The following GNAO1 variants were observed in gnomAD, a reference collection of about 807,000 sequenced individuals.
GNAO1 encodes the protein guanine nucleotide-binding protein G(o) subunit alpha.
For synonymous variants in GNAO1, 164 were observed against 180.7 expected (o/e 0.91, Z 0.74); for missense variants, 166 against 478.7 (o/e 0.35, Z 6.10).
chr16:56,318,780 C>T (rs2037540938), intron 3 of GNAO1, among the ~76,000 whole-genome samples: 1 of 152,202 alleles, frequency 6.6e-6, no homozygotes, highest in African/African-American at 2.4e-5. Context: ...TATTTTGTGT[C>T]AGCTTGTTGT....
chr16:56,232,979 G>A (rs75758756), intron 2 of GNAO1, among the ~76,000 whole-genome samples: 1,684 of 152,268 alleles, frequency 0.011, 10 homozygotes, highest in Non-Finnish European at 0.018. Context: ...AAGACAGGCC[G>A]GAAGGACTTC....
At chr16:56,309,031 C>G (rs1253163543) in intron 3 of GNAO1, among the ~76,000 whole-genome samples, 2 of 152,002 alleles carry the variant, frequency 1.3e-5, no homozygotes, top group Admixed American at 6.6e-5. Flanking sequence ...TGGGAGGAAG[C>G]AGCCCTGGAC....
At chr16:56,344,712 C>G in intron 6 of GNAO1, 4 of 985,502 alleles carry the variant, frequency 4.1e-6, no homozygotes, top group Non-Finnish European at 4.8e-6. Flanking sequence ...TGGGCTGGGG[C>G]CTCCCGCCCA....
At chr16:56,296,741 T>C (rs2037291412) in intron 3 of GNAO1, among the ~76,000 whole-genome samples, 1 of 152,136 alleles carries the variant, frequency 6.6e-6, no homozygotes, top group African/African-American at 2.4e-5. Flanking sequence ...CTAGCCAAAG[T>C]ACTTGCTTTT....
rs1046779670 is a variant in GNAO1 at position 56,298,486 on chromosome 16, G to A, written c.303+22414G>A. Among the ~76,000 whole-genome samples the A allele has an allele frequency of 3.3e-5, 5 of 152,176 alleles. No homozygotes were observed. In the East Asian group the frequency reaches 9.6e-4, roughly 29 times the overall value. ...GGCTCTGAGACACTCCGTCATTTCT[G>A]TGTTACCCTGACAGTCTTCATTTTA... is the stretch of plus-strand genomic sequence containing the variant. On this transcript the variant is annotated intron_variant, in intron 3 of 8. Transcript: ENST00000262493.
chr16:56,256,966 A>C (rs2036856500), intron 2 of GNAO1, among the ~76,000 whole-genome samples: 1 of 152,126 alleles, frequency 6.6e-6, no homozygotes, highest in African/African-American at 2.4e-5. Flanking sequence ...GAGAATGTTG[A>C]ATCCCGTGGT....
At chr16:56,227,099 C>T (rs1214721399) in intron 2 of GNAO1, among the ~76,000 whole-genome samples, 2 of 151,752 alleles carry the variant, frequency 1.3e-5, no homozygotes, top group African/African-American at 4.8e-5. Flanking sequence ...GGAGGGGAAA[C>T]TGTTTGTTTC....
intron 2 of GNAO1, chr16:56,245,554 G>A (rs1481574346): frequency 1.9e-5 from 3 of 154,812 alleles, no homozygotes; most frequent in East Asian, 3.9e-4. Flanking sequence ...GCTGATGGTT[G>A]TATCTATGAA....
chr16:56,265,525 C>T lies in GNAO1; in HGVS notation c.162-10406C>T, dbSNP rs761524230. On this transcript the variant is annotated intron_variant, in intron 2 of 8. Coordinates refer to ENST00000262493, the MANE Select transcript of GNAO1 (RefSeq NM_020988.3). ...CATTTTAGGGAAAATAATACTCGTGCGGACTCCCAGGTAAAAGGACTGAAA... is the reference window on the plus strand; with the variant it reads ...CATTTTAGGGAAAATAATACTCGTGTGGACTCCCAGGTAAAAGGACTGAAA... Among the ~76,000 whole-genome samples the T allele has an allele frequency of 3.9e-5, 6 of 152,330 alleles. No individual in the cohort carries two copies. The East Asian group carries it at 5.8e-4, about 15-fold the overall frequency.
intron 3 of GNAO1, among the ~76,000 whole-genome samples, chr16:56,292,038 G>C (rs1435721676): frequency 3.3e-5 from 5 of 152,200 alleles, no homozygotes; most frequent in Admixed American, 2.6e-4. Flanking sequence ...CTGCCTTCGG[G>C]ACTTACACTC....
At chr16:56,305,514 G>T (rs1341227501) in intron 3 of GNAO1, among the ~76,000 whole-genome samples, 4 of 152,172 alleles carry the variant, frequency 2.6e-5, no homozygotes, top group African/African-American at 9.7e-5. Flanking sequence ...AGCCAGTGCA[G>T]AGGCCCCTAG....
rs201745961 is a variant in GNAO1 at position 56,272,113 on chromosome 16, AT to A, written c.162-3815del. On this transcript the variant is annotated intron_variant, in intron 2 of 8. Coordinates refer to ENST00000262493, the MANE Select transcript of GNAO1 (RefSeq NM_020988.3). ...TCTGAGTTTTGGGAGTATGAATAAT[AT>A]TTCCTGTTGTCGGTGAAACCCCGTC... Among the ~76,000 whole-genome samples, 1,031 of 152,286 alleles carry A rather than the reference AT, an allele frequency of 6.8e-3. 14 individuals are homozygous for A. Among genetic ancestry groups the A allele is most frequent in the African/African-American group, 0.024 (996 of 41,556 alleles).
chr16:56,192,382 C>G, intron 1 of GNAO1, 29 bp downstream of exon 1: 2 of 1,335,906 alleles, frequency 1.5e-6, no homozygotes, highest in South Asian at 1.2e-5. Flanking sequence ...ACCCCCATCC[C>G]CCGACCCCGG....
At chr16:56,328,054 C>T (rs1307930706) in intron 3 of GNAO1, among the ~76,000 whole-genome samples, 1 of 152,214 alleles carries the variant, frequency 6.6e-6, no homozygotes, top group Non-Finnish European at 1.5e-5. Flanking sequence ...CCCTCCCCTC[C>T]CCCAGTCCTG....
intron 3 of GNAO1, among the ~76,000 whole-genome samples, chr16:56,298,568 T>C (rs2143577397): frequency 6.6e-6 from 1 of 152,330 alleles, no homozygotes; most frequent in Middle Eastern, 3.4e-3. Flanking sequence ...AGCTCATGAC[T>C]GCCCAGATAT....
intron 2 of GNAO1, among the ~76,000 whole-genome samples, chr16:56,205,083 G>A (rs2036315076): frequency 6.6e-6 from 1 of 152,158 alleles, no homozygotes; most frequent in Non-Finnish European, 1.5e-5. Flanking sequence ...AGAAAACTGG[G>A]ACATCAGCTC....
At chr16:56,208,456 CGCGCACGTGTGTGTGTGT>C (rs2036353063) in intron 2 of GNAO1, among the ~76,000 whole-genome samples, 1 of 146,432 alleles carries the variant, frequency 6.8e-6, no homozygotes, top group Non-Finnish European at 1.5e-5. Flanking sequence ...TGTGCGCGCG[CGCGCACGTGTGTGTGTGT>C]GTATTCTGGG....
Position 56,266,789 on chromosome 16 carries a change from G to T in GNAO1, c.162-9142G>T, listed in dbSNP as rs547848909. On this transcript the variant is annotated intron_variant, in intron 2 of 8. Coordinates refer to ENST00000262493, the MANE Select transcript of GNAO1 (RefSeq NM_020988.3). ...CTAGACTCAGGGAGGTTGAGAACTT[G>T]CCCACAGTCCAACTGTCAGTGAATA... Among the ~76,000 whole-genome samples, 11 of 152,288 alleles carry T rather than the reference G, an allele frequency of 7.2e-5. 1 individual carries two copies. The South Asian group carries it at 1.7e-3, about 23-fold the overall frequency.
intron 3 of GNAO1, among the ~76,000 whole-genome samples, chr16:56,312,596 C>T (rs988178316): frequency 6.6e-6 from 1 of 152,264 alleles, no homozygotes; most frequent in East Asian, 1.9e-4. Flanking sequence ...CCTGCCACCA[C>T]TGACTTTTTG....
Sources: gnomAD v4.1 joint callset for allele counts (sites outside exome capture counted in the v4.1 genomes callset) on GRCh38, gnomAD v4.1.1 for gene constraint, MANE v1.5 for transcripts, NCBI Gene and HGNC (gene_info 2026-07-23, HGNC 2026-07-21) for gene names.